The following PTPRN2 variants were observed in gnomAD, a reference collection of about 807,000 sequenced individuals.
PTPRN2 encodes protein tyrosine phosphatase receptor type N2, also known as receptor-type tyrosine-protein phosphatase N2.
Under a neutral mutation model 118.8 loss-of-function variants are expected in PTPRN2, and 74 were observed. The observed-to-expected ratio is 0.62, with a 90% confidence interval of 0.52 to 0.76. PTPRN2 has a LOEUF of 0.76. Among genes scored for constraint, PTPRN2 ranks in the 30% least tolerant of loss-of-function variants. PTPRN2 has a pLI of 0.00. For synonymous variants in PTPRN2, 641 were observed against 608.0 expected (o/e 1.05, Z -0.80); for missense variants, 1,481 against 1,394.4 (o/e 1.06, Z -0.99).
At chr7:157,734,869 G>A (rs1476877512) in intron 12 of PTPRN2, among the ~76,000 whole-genome samples, 1 of 152,246 alleles carries the variant, frequency 6.6e-6, no homozygotes, top group African/African-American at 2.4e-5. Flanking sequence ...CTGGCGCTCG[G>A]CCATGTGCCT....
chr7:158,342,694 A>G (rs549728559), intron 2 of PTPRN2, among the ~76,000 whole-genome samples: 1 of 152,308 alleles, frequency 6.6e-6, no homozygotes, highest in Non-Finnish European at 1.5e-5. Flanking sequence ...CATGGTCCCC[A>G]TTCCATATTC....
chr7:157,630,526 A>G (rs1803879184), intron 14 of PTPRN2, among the ~76,000 whole-genome samples: 1 of 152,148 alleles, frequency 6.6e-6, no homozygotes, highest in African/African-American at 2.4e-5. Context: ...TCACGGCAGC[A>G]CCTTTGACTT....
chr7:158,538,308 C>T (rs1586901000), intron 1 of PTPRN2, among the ~76,000 whole-genome samples: 1 of 152,220 alleles, frequency 6.6e-6, no homozygotes, highest in African/African-American at 2.4e-5. Flanking sequence ...GACTGGCGCA[C>T]GCTGCGCTCC....
At position 157,732,139 on chromosome 7, in the gene PTPRN2, G is replaced by A. The variant is rs1411933474; in HGVS notation, c.1789-49202C>T. Reference sequence around the variant, plus strand: ...ACAGTTACTCTTTTCCGCCCCATGCGCCCAGCACAGTTACCCTTTCCCGTC... The same window carrying A: ...ACAGTTACTCTTTTCCGCCCCATGCACCCAGCACAGTTACCCTTTCCCGTC... On this transcript the variant is annotated intron_variant, in intron 12 of 22. Transcript: ENST00000389418. 3.1e-5 allele frequency among the ~76,000 whole-genome samples: 3 copies of A among 96,128 alleles called. No homozygotes were observed. The East Asian group carries it at 1.0e-3, about 33-fold the overall frequency. 63.1% of individuals were successfully genotyped at this position (96,128 alleles called of 152,430 possible). A position where few individuals can be genotyped will look rare whatever the true frequency, so the allele number is the denominator to read the frequency against.
chr7:158,536,407 C>G (rs1412376070), intron 1 of PTPRN2, among the ~76,000 whole-genome samples: 1 of 152,218 alleles, frequency 6.6e-6, no homozygotes, highest in Non-Finnish European at 1.5e-5. Context: ...AAGGGCCTTC[C>G]CAGCCCACTA....
intron 2 of PTPRN2, among the ~76,000 whole-genome samples, chr7:158,488,716 T>A (rs1232445063): frequency 6.6e-6 from 1 of 152,194 alleles, no homozygotes. Context: ...GATTAGTGGG[T>A]GCGAGGGGCC....
chr7:158,301,225 C>T (rs1038172505), intron 3 of PTPRN2, among the ~76,000 whole-genome samples: 1 of 152,118 alleles, frequency 6.6e-6, no homozygotes, highest in Admixed American at 6.5e-5. Context: ...GCACTTTGCA[C>T]GGGCCGTGCA....
intron 12 of PTPRN2, chr7:157,857,748 A>T (rs1182420864): frequency 6.6e-6 from 1 of 152,276 alleles, no homozygotes; most frequent in Non-Finnish European, 1.5e-5. Context: ...CATCCTCCAC[A>T]TCCTGTGAGG....
At chr7:158,450,379 G>A (rs1818014267) in intron 2 of PTPRN2, among the ~76,000 whole-genome samples, 1 of 152,206 alleles carries the variant, frequency 6.6e-6, no homozygotes, top group Non-Finnish European at 1.5e-5. Context: ...ACACACACTG[G>A]TGAAACACAA....
intron 12 of PTPRN2, among the ~76,000 whole-genome samples, chr7:157,884,950 G>C (rs1258089967): frequency 6.6e-6 from 1 of 152,168 alleles, no homozygotes; most frequent in Non-Finnish European, 1.5e-5. Flanking sequence ...ACACCTCTTT[G>C]TGATTGACCC....
chr7:158,127,355 G>A (rs1472587259), intron 9 of PTPRN2, among the ~76,000 whole-genome samples: 6 of 152,086 alleles, frequency 3.9e-5, no homozygotes, highest in Admixed American at 2.0e-4. Context: ...CACGTGGCCC[G>A]GGCTCTGCTC....
intron 14 of PTPRN2, among the ~76,000 whole-genome samples, chr7:157,623,295 G>C (rs1276250967): frequency 6.6e-6 from 1 of 152,206 alleles, no homozygotes; most frequent in Non-Finnish European, 1.5e-5. Context: ...ATGGTGAAAG[G>C]ATAGTCCCAG....
intron 10 of PTPRN2, among the ~76,000 whole-genome samples, chr7:158,085,207 C>T (rs377725936): frequency 0.015 from 2,006 of 130,504 alleles, 79 homozygotes; most frequent in African/African-American, 0.058. Context: ...ACACCCTTGA[C>T]GCCCATCCAC....
intron 6 of PTPRN2, among the ~76,000 whole-genome samples, chr7:158,162,813 G>A (rs555794176): frequency 5.9e-5 from 9 of 152,258 alleles, no homozygotes; most frequent in Non-Finnish European, 7.4e-5. Flanking sequence ...CGTTCAGCCC[G>A]CAGCCTCGTT....
chr7:158,281,422 T>G (rs1563084078), intron 3 of PTPRN2, among the ~76,000 whole-genome samples: 1 of 152,226 alleles, frequency 6.6e-6, no homozygotes, highest in East Asian at 1.9e-4. Context: ...CTTTGTGTGT[T>G]TTCATCAAGA....
At position 157,690,155 on chromosome 7, in the gene PTPRN2, G is replaced by A. The variant is rs1255835591; in HGVS notation, c.1789-7218C>T. On this transcript the variant is annotated intron_variant, in intron 12 of 22. Transcript: ENST00000389418. The surrounding 1 kb of genome is among the most constrained non-coding windows in gnomAD (Gnocchi z 7.1). ...CTAGACTCCTTGGGGCGGTCTCTGC[G>A]GGGCGCTGGGCCAGGACAGCTGCCA... Among the ~76,000 whole-genome samples the A allele has an allele frequency of 1.3e-5, 2 of 152,172 alleles. No individual in the cohort carries two copies. Among genetic ancestry groups the A allele is most frequent in the African/African-American group, 4.8e-5 (2 of 41,458 alleles).
intron 12 of PTPRN2, among the ~76,000 whole-genome samples, chr7:157,747,889 T>A (rs1242537877): frequency 7.5e-6 from 1 of 133,530 alleles, no homozygotes; most frequent in Non-Finnish European, 1.6e-5. Flanking sequence ...GGTGTCCGGG[T>A]GATTCTGAGG....
intron 13 of PTPRN2, among the ~76,000 whole-genome samples, chr7:157,677,794 T>G (rs1796738955): frequency 6.6e-6 from 1 of 152,224 alleles, no homozygotes; most frequent in African/African-American, 2.4e-5. Flanking sequence ...TTCCTTCACA[T>G]CAGAAACCAT....
At chr7:157,693,260 T>C (rs939619283) in intron 12 of PTPRN2, among the ~76,000 whole-genome samples, 32 of 151,738 alleles carry the variant, frequency 2.1e-4, no homozygotes, top group African/African-American at 7.5e-4. Context: ...TGTGCGCGCG[T>C]GTCTGATGTG....
Sources: allele counts gnomAD v4.1 joint callset (sites outside exome capture counted in the v4.1 genomes callset), GRCh38; gene constraint gnomAD v4.1.1; non-coding constraint Gnocchi (gnomAD v3.1); transcripts MANE v1.5; gene names NCBI Gene and HGNC (gene_info 2026-07-23, HGNC 2026-07-21).